SAMD4A: variants seen among roughly 807,000 people sequenced by gnomAD.
The protein encoded by SAMD4A is protein Smaug homolog 1.
A neutral mutation model predicts 81.3 loss-of-function variants in SAMD4A; 33 were observed. The observed-to-expected ratio is 0.41, with a 90% CI of 0.31 to 0.54. The LOEUF is 0.54. SAMD4A is among the 20% of genes least tolerant of loss of function. The probability of loss-of-function intolerance (pLI) is 0.37; values close to 1 mark genes in which losing one functional copy is unlikely to be tolerated. For synonymous variants in SAMD4A, 389 were observed against 382.1 expected (o/e 1.02, Z -0.21); for missense variants, 854 against 951.1 (o/e 0.90, Z 1.34).
At chr14:54,610,661 G>A (rs766626538) in intron 2 of SAMD4A, among the ~76,000 whole-genome samples, 1 of 152,126 alleles carries the variant, frequency 6.6e-6, no homozygotes, top group Non-Finnish European at 1.5e-5. Context: ...ATAAAGTCTC[G>A]CTACTATAAA....
chr14:54,589,538 T>C (rs533089539), intron 2 of SAMD4A, among the ~76,000 whole-genome samples: 11 of 152,312 alleles, frequency 7.2e-5, no homozygotes, highest in African/African-American at 2.6e-4. Flanking sequence ...GAGCCAGTGA[T>C]TCTCTGTGTG....
At chr14:54,657,208 G>A (rs897070902) in intron 2 of SAMD4A, among the ~76,000 whole-genome samples, 1 of 152,014 alleles carries the variant, frequency 6.6e-6, no homozygotes, top group African/African-American at 2.4e-5. Context: ...AATATTCCAG[G>A]TACCTTGGCC....
intron 8 of SAMD4A, among the ~76,000 whole-genome samples, chr14:54,766,835 A>G (rs1192949023): frequency 2.0e-5 from 3 of 152,160 alleles, no homozygotes; most frequent in Non-Finnish European, 4.4e-5. Context: ...GTGCCAAACA[A>G]TCCACAGGCT....
At chr14:54,572,075 C>G (rs375278932) in intron 2 of SAMD4A, among the ~76,000 whole-genome samples, 1 of 152,198 alleles carries the variant, frequency 6.6e-6, no homozygotes, top group Non-Finnish European at 1.5e-5. Context: ...CATTTTCTGA[C>G]TGCCTGCTAT....
At position 54,709,396 on chromosome 14, in the gene SAMD4A, C is replaced by T. The variant is rs536593027; in HGVS notation, c.715+6816C>T. On this transcript the variant is annotated intron_variant, in intron 3 of 12. Transcript: ENST00000554335. ...ATGAGTAGGAGCCAAAACCTAAGTC[C>T]TAATCTAATGAGAATCTACGTATTT... Among the ~76,000 whole-genome samples the T allele has an allele frequency of 7.8e-4, 119 of 151,760 alleles. 1 individual carries two copies. The highest frequency in any genetic ancestry group is 3.1e-3 in the Admixed American group (48 of 15,266).
rs1296752248 is a variant in SAMD4A, at chr14:54,609,131, G to A, written c.196+41019G>A. 7.2e-5 allele frequency among the ~76,000 whole-genome samples: 11 copies of A among 152,284 alleles called. No individual in the cohort carries two copies. In the East Asian group the frequency reaches 1.9e-3, roughly 27 times the overall value. On this transcript the variant is annotated intron_variant, in intron 2 of 12. Coordinates refer to ENST00000554335, the MANE Select transcript of SAMD4A (RefSeq NM_015589.6). ...AGGTTGCAGATGAAATTCGTTCTTG[G>A]TTGAGTTTAAAATAGGAAGATTATC...
chr14:54,775,254 T>C (rs1285092530), intron 10 of SAMD4A, 119 bp downstream of exon 10: 9 of 1,044,542 alleles, frequency 8.6e-6, no homozygotes, highest in Non-Finnish European at 1.2e-5. Flanking sequence ...CTGGGGGCAG[T>C]TGCCACCATT....
intron 2 of SAMD4A, among the ~76,000 whole-genome samples, chr14:54,682,791 C>T (rs1329474779): frequency 6.6e-6 from 1 of 152,226 alleles, no homozygotes; most frequent in Non-Finnish European, 1.5e-5. Context: ...ACACTATCAA[C>T]ATAGGCCAGC....
chr14:54,737,564 A>ATTTTTTTTTTT (rs2037732004), intron 4 of SAMD4A, among the ~76,000 whole-genome samples: 2 of 59,594 alleles, frequency 3.4e-5, no homozygotes, highest in Non-Finnish European at 6.2e-5. Flanking sequence ...TTTTTTTTGC[A>ATTTTTTTTTTT]TTGCAGTGAC....
At chr14:54,653,330 A>ATTG (rs1399753677) in intron 2 of SAMD4A, among the ~76,000 whole-genome samples, 1 of 145,464 alleles carries the variant, frequency 6.9e-6, no homozygotes, top group Admixed American at 6.9e-5. Flanking sequence ...TATTATTATT[A>ATTG]TTATTATTAT....
At chr14:54,717,095 GGCCTTA>G in intron 3 of SAMD4A, among the ~76,000 whole-genome samples, 1 of 152,260 alleles carries the variant, frequency 6.6e-6, no homozygotes, top group Admixed American at 6.5e-5. Context: ...GTAGTCATGA[GGCCTTA>G]GGGAGCTACA....
chr14:54,778,055 G>A (rs554382319), intron 11 of SAMD4A, among the ~76,000 whole-genome samples: 23 of 152,132 alleles, frequency 1.5e-4, no homozygotes, highest in Admixed American at 6.5e-4. Flanking sequence ...GAGGTCCTGC[G>A]CACAAGGAGA....
At chr14:54,709,526 A>T (rs1176902468) in intron 3 of SAMD4A, among the ~76,000 whole-genome samples, 1 of 152,032 alleles carries the variant, frequency 6.6e-6, no homozygotes. Context: ...GTGGGTTGGG[A>T]TAGGTTGAAA....
intron 2 of SAMD4A, among the ~76,000 whole-genome samples, chr14:54,659,491 A>T (rs1261593059): frequency 4.0e-5 from 6 of 151,708 alleles, no homozygotes; most frequent in Non-Finnish European, 7.4e-5. Flanking sequence ...TTTCTGAGGG[A>T]TTTTGATTAT....
chr14:54,780,995 T>A (rs2038986348), intron 11 of SAMD4A, among the ~76,000 whole-genome samples: 1 of 152,120 alleles, frequency 6.6e-6, no homozygotes. Context: ...CTTGTCTTCC[T>A]TTCTTCTTTA....
chr14:54,775,965 TGA>T (rs960920306), intron 10 of SAMD4A, among the ~76,000 whole-genome samples: 1 of 144,432 alleles, frequency 6.9e-6, no homozygotes, highest in Non-Finnish European at 1.5e-5. Flanking sequence ...CATTGCCAGC[TGA>T]GAGTTTCTTT....
intron 2 of SAMD4A, among the ~76,000 whole-genome samples, chr14:54,665,171 TAC>T (rs1390539223): frequency 6.6e-6 from 1 of 152,214 alleles, no homozygotes; most frequent in Non-Finnish European, 1.5e-5. Context: ...AATAACATTT[TAC>T]AGTGAGGTGA....
At chr14:54,575,319 A>G (rs1256687176) in intron 2 of SAMD4A, among the ~76,000 whole-genome samples, 2 of 152,186 alleles carry the variant, frequency 1.3e-5, no homozygotes, top group East Asian at 3.9e-4. Flanking sequence ...AAATGGCAGT[A>G]ACCTGTTAGA....
At chr14:54,622,319 G>C (rs1418068593) in intron 2 of SAMD4A, among the ~76,000 whole-genome samples, 2 of 152,174 alleles carry the variant, frequency 1.3e-5, no homozygotes, top group Non-Finnish European at 2.9e-5. Context: ...ACTCTTCTCA[G>C]ATAACCAGGC....
Sources: gnomAD v4.1 joint callset for allele counts (sites outside exome capture counted in the v4.1 genomes callset) on GRCh38, gnomAD v4.1.1 for gene constraint, MANE v1.5 for transcripts, NCBI Gene and HGNC (gene_info 2026-07-23, HGNC 2026-07-21) for gene names.